SV2C: variants seen among roughly 807,000 people sequenced by gnomAD.
The protein encoded by SV2C is solute carrier family 22 member B3.
A neutral mutation model predicts 79.7 loss-of-function variants in SV2C; 49 were observed. The ratio of observed to expected loss-of-function variants is 0.61; its 90% CI spans 0.49 to 0.78. The LOEUF is 0.78. SV2C is among the 30% of genes least tolerant of loss of function. The pLI, the probability that SV2C is intolerant of heterozygous loss-of-function variation, is 0.00. For synonymous variants in SV2C, 334 were observed against 333.2 expected, an observed-to-expected ratio of 1.00 and a Z score of -0.03; for missense variants, 833 against 912.9, an observed-to-expected ratio of 0.91 and a Z score of 1.13.
chr5:75,875,491 T>C, the SV2C span, among the ~76,000 whole-genome samples: 18 of 152,248 alleles, frequency 1.2e-4, no homozygotes, highest in East Asian at 3.5e-3. Context: ...GAAGACAACC[T>C]AGGCAATACT....
intron 2 of SV2C, among the ~76,000 whole-genome samples, chr5:76,177,259 C>A (rs1243231595): frequency 1.3e-5 from 2 of 149,790 alleles, no homozygotes; most frequent in African/African-American, 4.9e-5. Context: ...TGCTGTATTT[C>A]TTATAGTCTG....
At chr5:76,074,627 T>C in the SV2C span, among the ~76,000 whole-genome samples, 2 of 152,214 alleles carry the variant, frequency 1.3e-5, no homozygotes, top group African/African-American at 4.8e-5. Context: ...CATTTTCATC[T>C]TCCTTTCTCA....
the SV2C span, among the ~76,000 whole-genome samples, chr5:75,917,427 A>T: frequency 6.6e-6 from 1 of 152,246 alleles, no homozygotes; most frequent in African/African-American, 2.4e-5. Context: ...AAGAAGAGAA[A>T]TAACAGTAAA....
At chr5:75,926,714 T>C in the SV2C span, among the ~76,000 whole-genome samples, 1 of 152,194 alleles carries the variant, frequency 6.6e-6, no homozygotes. Context: ...GTGCATATGA[T>C]CTGTATTCCT....
intron 4 of SV2C, chr5:76,280,966 G>A (rs538329672): frequency 4.8e-5 from 26 of 537,044 alleles, no homozygotes; most frequent in South Asian, 3.4e-4. Context: ...CAGGATCCTG[G>A]TGATGCGGCC....
chr5:76,104,520 G>GTGCC (rs1747846227), intron 1 of SV2C, among the ~76,000 whole-genome samples: 1 of 152,160 alleles, frequency 6.6e-6, no homozygotes, highest in African/African-American at 2.4e-5. Flanking sequence ...AAGGAGCTGG[G>GTGCC]ACTACAGGTG....
the SV2C span, among the ~76,000 whole-genome samples, chr5:75,962,350 C>T: frequency 6.6e-6 from 1 of 152,032 alleles, no homozygotes. Context: ...TACTTAGAGC[C>T]TATCAGAGTT....
At chr5:75,981,190 A>G in the SV2C span, among the ~76,000 whole-genome samples, 1 of 152,260 alleles carries the variant, frequency 6.6e-6, no homozygotes, top group South Asian at 2.1e-4. Context: ...AGTAAACTAT[A>G]CAAACCACTG....
At chr5:75,931,999 T>G in the SV2C span, among the ~76,000 whole-genome samples, 5 of 152,190 alleles carry the variant, frequency 3.3e-5, no homozygotes, top group Admixed American at 3.3e-4. Context: ...CCAGGCTCCA[T>G]ACAGCAGCCA....
chr5:75,923,362 C>T, the SV2C span, among the ~76,000 whole-genome samples: 1 of 152,022 alleles, frequency 6.6e-6, no homozygotes, highest in Admixed American at 6.6e-5. Flanking sequence ...TTGGCTTAGG[C>T]AAAGAATTAA....
chr5:76,030,277 T>G, the SV2C span, among the ~76,000 whole-genome samples: 14 of 108,260 alleles, frequency 1.3e-4, no homozygotes, highest in African/African-American at 3.9e-4. Context: ...TTTTTTTTTT[T>G]TTTTTTTTTT....
At chr5:76,276,295 T>C (rs1040610545) in intron 4 of SV2C, among the ~76,000 whole-genome samples, 5 of 152,256 alleles carry the variant, frequency 3.3e-5, no homozygotes, top group African/African-American at 1.2e-4. Context: ...GGGTCATTTC[T>C]TGAGGCCCTC....
At chr5:75,939,002 C>T in the SV2C span, among the ~76,000 whole-genome samples, 10 of 152,142 alleles carry the variant, frequency 6.6e-5, no homozygotes, top group East Asian at 1.9e-3. Context: ...ATGTCTTGTA[C>T]AAGTTAATAT....
At chr5:76,019,336 G>T in the SV2C span, among the ~76,000 whole-genome samples, 29,517 of 152,030 alleles carry the variant, frequency 0.19, 3,242 homozygotes, top group East Asian at 0.45. Flanking sequence ...CCAGAATTCA[G>T]TGGGTTGAGA....
chr5:76,211,033 C>G (rs984004757), intron 4 of SV2C, among the ~76,000 whole-genome samples: 4 of 152,170 alleles, frequency 2.6e-5, no homozygotes, highest in African/African-American at 9.7e-5. Flanking sequence ...AGATCAGCAG[C>G]AGCATATAAG....
At position 76,343,177 on chromosome 5, in the gene SV2C, A is replaced by G. The variant is rs973111430; in HGVS notation, c.2001-9953A>G. Among the ~76,000 whole-genome samples the G allele has an allele frequency of 6.6e-5, 10 of 152,172 alleles. No homozygotes were observed. In the South Asian group the frequency reaches 1.9e-3, roughly 28 times the overall value. Reference sequence around the variant, plus strand: ...TCACCTAGCAGCTTTATTGTTTTTCATTTCACATTTAGATCTACATTCAGC... The same window carrying G: ...TCACCTAGCAGCTTTATTGTTTTTCGTTTCACATTTAGATCTACATTCAGC... On this transcript the variant is annotated intron_variant, in intron 12 of 12. Coordinates refer to the SV2C transcript ENST00000322285.
At chr5:76,085,826 TACACACACACAC>T (rs34074817) in intron 1 of SV2C, among the ~76,000 whole-genome samples, 7 of 141,866 alleles carry the variant, frequency 4.9e-5, no homozygotes, top group East Asian at 2.1e-4. Flanking sequence ...ACAAAGCCCC[TACACACACACAC>T]ACACACACAC....
At chr5:76,060,224 C>G in the SV2C span, among the ~76,000 whole-genome samples, 14 of 152,222 alleles carry the variant, frequency 9.2e-5, no homozygotes, top group South Asian at 1.5e-3. Flanking sequence ...CTACATTAGC[C>G]TCTAATCAGA....
chr5:76,079,746 T>C (rs550064278), upstream of SV2C: 2 of 263,426 alleles, frequency 7.6e-6, no homozygotes, highest in South Asian at 1.1e-4. Flanking sequence ...TTTTACGCTG[T>C]CTGGAAGAAA....
Sources: gnomAD v4.1 joint callset for allele counts (sites outside exome capture counted in the v4.1 genomes callset) on GRCh38, gnomAD v4.1.1 for gene constraint, MANE v1.5 for transcripts, NCBI Gene and HGNC (gene_info 2026-07-23, HGNC 2026-07-21) for gene names.